Variants in BBS9 observed in about 807,000 individuals in gnomAD.
BBS9 encodes the protein protein PTHB1.
Under a neutral mutation model 117.7 loss-of-function variants are expected in BBS9, and 89 were observed. The ratio of observed to expected loss-of-function variants is 0.76; its 90% CI spans 0.64 to 0.90. The LOEUF (loss-of-function observed/expected upper bound fraction) is 0.90. Ranked by LOEUF, BBS9 falls within the 40% of genes least tolerant of loss-of-function variation. The pLI, the probability that BBS9 is intolerant of heterozygous loss-of-function variation, is 0.00. For synonymous variants in BBS9, 379 were observed against 370.9 expected (o/e 1.02, Z -0.25); for missense variants, 982 against 1,042.2 (o/e 0.94, Z 0.80).
intron 9 of BBS9, among the ~76,000 whole-genome samples, chr7:33,290,843 C>A (rs562844317): frequency 6.6e-6 from 1 of 152,148 alleles, no homozygotes; most frequent in Admixed American, 6.5e-5. Flanking sequence ...ATAGGTGGTC[C>A]ATTAAACCTG....
chr7:33,543,179 T>C (rs906742335), intron 21 of BBS9, among the ~76,000 whole-genome samples: 37 of 152,222 alleles, frequency 2.4e-4, no homozygotes, highest in African/African-American at 8.7e-4. Context: ...GGTATCCCAT[T>C]GTGGTTTTGA....
intron 1 of BBS9, among the ~76,000 whole-genome samples, chr7:33,136,652 T>C (rs561474393): frequency 1.3e-5 from 2 of 152,212 alleles, no homozygotes; most frequent in Non-Finnish European, 2.9e-5. Flanking sequence ...TAAGGATGCC[T>C]ACCTTGCATT....
At chr7:33,626,300 A>C (rs761008605) in intron 21 of BBS9, among the ~76,000 whole-genome samples, 22 of 152,194 alleles carry the variant, frequency 1.4e-4, no homozygotes, top group Non-Finnish European at 2.8e-4. Flanking sequence ...AGAACTGTGA[A>C]GTCAATTAAA....
intron 19 of BBS9, among the ~76,000 whole-genome samples, chr7:33,462,226 A>C (rs1290406369): frequency 6.6e-6 from 1 of 152,074 alleles, no homozygotes; most frequent in East Asian, 1.9e-4. Flanking sequence ...TAAACATATA[A>C]AATATTCCAA....
intron 19 of BBS9, among the ~76,000 whole-genome samples, chr7:33,401,605 T>C (rs1828931163): frequency 1.3e-5 from 2 of 152,308 alleles, no homozygotes; most frequent in Non-Finnish European, 2.9e-5. Flanking sequence ...GATTTTCTAA[T>C]TGGCAATTGG....
At chr7:33,457,622 T>C (rs960630535) in intron 19 of BBS9, among the ~76,000 whole-genome samples, 18 of 152,186 alleles carry the variant, frequency 1.2e-4, no homozygotes, top group African/African-American at 4.1e-4. Flanking sequence ...ACAGAATATA[T>C]GGAAAACATG....
At chr7:33,628,358 G>T (rs1245477680) in intron 21 of BBS9, among the ~76,000 whole-genome samples, 1 of 152,162 alleles carries the variant, frequency 6.6e-6, no homozygotes, top group Non-Finnish European at 1.5e-5. Flanking sequence ...ATCATAACCA[G>T]GTGGGGTTTA....
chr7:33,192,902 A>G (rs1030029), intron 5 of BBS9, among the ~76,000 whole-genome samples: 126,969 of 152,236 alleles, frequency 0.83, 52,955 homozygotes, highest in Admixed American at 0.87. Context: ...CGTGAGGGTG[A>G]AGCTCTCATT....
At chr7:33,234,275 G>T (rs1225404248) in intron 5 of BBS9, among the ~76,000 whole-genome samples, 1 of 151,946 alleles carries the variant, frequency 6.6e-6, no homozygotes, top group Non-Finnish European at 1.5e-5. Flanking sequence ...CATCCACTGG[G>T]GGTCTTGGAA....
chr7:33,159,386 T>C (rs1300968048), intron 4 of BBS9, among the ~76,000 whole-genome samples: 1 of 152,168 alleles, frequency 6.6e-6, no homozygotes, highest in Non-Finnish European at 1.5e-5. Flanking sequence ...TACTTCCTTA[T>C]GCTGGAATGT....
chr7:33,609,809 T>C (rs1195332634), downstream of BBS9, among the ~76,000 whole-genome samples: 1 of 152,124 alleles, frequency 6.6e-6, no homozygotes, highest in Non-Finnish European at 1.5e-5. Context: ...CAGTGGGTGG[T>C]AATGATATTC....
intron 21 of BBS9, among the ~76,000 whole-genome samples, chr7:33,615,166 C>A (rs1040524735): frequency 6.6e-6 from 1 of 151,992 alleles, no homozygotes; most frequent in Non-Finnish European, 1.5e-5. Flanking sequence ...TACCACAGTT[C>A]TTTTTACCCA....
intron 4 of BBS9, among the ~76,000 whole-genome samples, chr7:33,163,536 A>G (rs569354169): frequency 2.6e-5 from 4 of 152,192 alleles, no homozygotes; most frequent in East Asian, 1.9e-4. Context: ...CAGAGATCCA[A>G]CTTCTTCCTG....
intron 5 of BBS9, among the ~76,000 whole-genome samples, chr7:33,255,180 T>A (rs1430661986): frequency 6.6e-6 from 1 of 152,170 alleles, no homozygotes; most frequent in African/African-American, 2.4e-5. Context: ...TTTTTTGTTT[T>A]GTTGCTTGTG....
intron 16 of BBS9, among the ~76,000 whole-genome samples, chr7:33,365,071 TTTTG>T: frequency 6.6e-6 from 1 of 151,646 alleles, no homozygotes; most frequent in East Asian, 2.0e-4. Flanking sequence ...TTCTTCTGGG[TTTTG>T]TTTCTCTTTT....
chr7:33,291,991 T>C (rs188225321), intron 9 of BBS9, among the ~76,000 whole-genome samples: 14 of 152,292 alleles, frequency 9.2e-5, no homozygotes, highest in African/African-American at 3.4e-4. Context: ...GAAAGATGTT[T>C]CCTCTTTCAT....
intron 21 of BBS9, among the ~76,000 whole-genome samples, chr7:33,548,319 T>G (rs1853752062): frequency 6.6e-6 from 1 of 152,242 alleles, no homozygotes; most frequent in Non-Finnish European, 1.5e-5. Context: ...ATGCCCATTT[T>G]TATCTTCACC....
chr7:33,231,264 G>A (rs763313688), intron 5 of BBS9, among the ~76,000 whole-genome samples: 4 of 151,828 alleles, frequency 2.6e-5, no homozygotes, highest in Non-Finnish European at 5.9e-5. Context: ...TCAGCCTCCT[G>A]AGTAGCTAGG....
chr7:33,451,120 C>T (rs1049211436), intron 19 of BBS9, among the ~76,000 whole-genome samples: 4 of 152,028 alleles, frequency 2.6e-5, no homozygotes, highest in Non-Finnish European at 4.4e-5. Context: ...GATCTCCTGA[C>T]CTCGTGATCT....
Sources: gnomAD v4.1 joint callset for allele counts (sites outside exome capture counted in the v4.1 genomes callset) on GRCh38, gnomAD v4.1.1 for gene constraint, MANE v1.5 for transcripts, NCBI Gene and HGNC (gene_info 2026-07-23, HGNC 2026-07-21) for gene names.